IL1RAPL1: variants seen among roughly 807,000 people sequenced by gnomAD.
IL1RAPL1 encodes interleukin-1 receptor accessory protein-like 1.
In IL1RAPL1, 3 loss-of-function variants were observed where a neutral mutation model predicts 48.4. The observed-to-expected ratio is 0.06, with a 90% CI of 0.03 to 0.16. IL1RAPL1 has a LOEUF of 0.16. Among genes scored for constraint, IL1RAPL1 ranks in the 10% least tolerant of loss-of-function variants. The pLI is 1.00. For synonymous variants in IL1RAPL1, 185 were observed against 187.7 expected (o/e 0.99, Z 0.12); for missense variants, 349 against 530.6 (o/e 0.66, Z 3.36).
intron 5 of IL1RAPL1, among the ~76,000 whole-genome samples, chrX:29,662,161 T>C (rs769127886): frequency 8.9e-6 from 1 of 112,031 alleles, no homozygotes; most frequent in African/African-American, 3.2e-5. Flanking sequence ...TCATTGTCAC[T>C]CTTTTTTTAC....
At chrX:28,589,905 G>T (rs1933889629) in intron 1 of IL1RAPL1, among the ~76,000 whole-genome samples, 1 of 111,469 alleles carries the variant, frequency 9.0e-6, no homozygotes, top group Non-Finnish European at 1.9e-5. Flanking sequence ...AAATTAAATG[G>T]CACTGGATTC....
intron 2 of IL1RAPL1, among the ~76,000 whole-genome samples, chrX:29,106,951 C>T (rs1429014364): frequency 1.8e-5 from 2 of 111,415 alleles, no homozygotes; most frequent in African/African-American, 3.3e-5. Context: ...AAATGGGCCC[C>T]ATAAAATAGG....
At chrX:28,959,353 T>A (rs959642182) in intron 2 of IL1RAPL1, among the ~76,000 whole-genome samples, 2 of 111,460 alleles carry the variant, frequency 1.8e-5, no homozygotes, top group African/African-American at 6.5e-5. Flanking sequence ...ATTTTTAAAA[T>A]CAATTATAAA....
chrX:29,385,457 A>C (rs930686391), intron 3 of IL1RAPL1, among the ~76,000 whole-genome samples: 2 of 109,333 alleles, frequency 1.8e-5, no homozygotes, highest in Admixed American at 9.6e-5. Flanking sequence ...CCGTCTCAAT[A>C]AAAAAAAAAG....
intron 6 of IL1RAPL1, among the ~76,000 whole-genome samples, chrX:29,838,566 C>T (rs1931066099): frequency 8.9e-6 from 1 of 111,856 alleles, no homozygotes; most frequent in Non-Finnish European, 1.9e-5. Context: ...TTGTGCACAT[C>T]TTTTTAGCTA....
chrX:29,303,099 C>T (rs187309999), intron 3 of IL1RAPL1, among the ~76,000 whole-genome samples: 2 of 111,667 alleles, frequency 1.8e-5, no homozygotes, highest in East Asian at 5.7e-4. Flanking sequence ...TTCATGAAGA[C>T]CAAGGTTGGT....
intron 2 of IL1RAPL1, among the ~76,000 whole-genome samples, chrX:28,901,613 A>G (rs748810963): frequency 8.9e-6 from 1 of 111,945 alleles, no homozygotes; most frequent in Admixed American, 9.5e-5. Flanking sequence ...TGAAATGCTG[A>G]TGGCTGAAAT....
chrX:28,681,082 G>T (rs1251768044), intron 1 of IL1RAPL1, among the ~76,000 whole-genome samples: 1 of 111,433 alleles, frequency 9.0e-6, no homozygotes, highest in African/African-American at 3.3e-5. Flanking sequence ...ATTACTGATT[G>T]AATCTCCTTA....
intron 5 of IL1RAPL1, among the ~76,000 whole-genome samples, chrX:29,427,878 A>G (rs1934368745): frequency 9.0e-6 from 1 of 111,663 alleles, no homozygotes; most frequent in African/African-American, 3.3e-5. Context: ...GTGGCCTTTC[A>G]TTAGCTTTAC....
rs772007783 is a variant in IL1RAPL1, at chrX:28,999,560, C to G, written c.82+210135C>G. The stretch of plus-strand genomic sequence containing the variant: ...CTTTTCAAAATCTTTTTTATTCTGA[C>G]CCCACCTCCAAAGATTGTATATGCT... On this transcript the variant is annotated intron_variant, in intron 2 of 10. Coordinates refer to ENST00000378993, the MANE Select transcript of IL1RAPL1 (RefSeq NM_014271.4). Among the ~76,000 whole-genome samples the G allele has an allele frequency of 5.4e-5, 6 of 111,633 alleles. No homozygotes were observed. In the East Asian group the frequency reaches 1.7e-3, roughly 32 times the overall value.
At chrX:29,595,903 AT>A (rs1173007930) in intron 5 of IL1RAPL1, among the ~76,000 whole-genome samples, 1 of 111,315 alleles carries the variant, frequency 9.0e-6, no homozygotes, top group Non-Finnish European at 1.9e-5. Flanking sequence ...TCATGAGTTG[AT>A]TTTTGTATAA....
chrX:29,444,755 C>T (rs1934592598), intron 5 of IL1RAPL1, among the ~76,000 whole-genome samples: 2 of 111,736 alleles, frequency 1.8e-5, no homozygotes, highest in Admixed American at 1.9e-4. Context: ...AGTCACGAAA[C>T]AGGTTGAGGA....
intron 9 of IL1RAPL1, among the ~76,000 whole-genome samples, chrX:29,943,122 C>G (rs761643714): frequency 1.7e-4 from 19 of 111,773 alleles, no homozygotes; most frequent in African/African-American, 6.2e-4. Flanking sequence ...GTTTACCCTT[C>G]TCTCCTTCCC....
intron 5 of IL1RAPL1, among the ~76,000 whole-genome samples, chrX:29,608,828 A>AAAAAT (rs778623891): frequency 5.4e-5 from 6 of 110,751 alleles, no homozygotes; most frequent in Non-Finnish European, 9.4e-5. Flanking sequence ...TCCGTCTCAA[A>AAAAAT]AAAATAAAAT....
chrX:29,823,247 T>C (rs1930659596), intron 6 of IL1RAPL1, among the ~76,000 whole-genome samples: 1 of 111,514 alleles, frequency 9.0e-6, no homozygotes, highest in Non-Finnish European at 1.9e-5. Context: ...CACTATGAGA[T>C]GAATTTAATT....
chrX:29,790,324 AAAGCCT>A (rs1167221516), intron 6 of IL1RAPL1, among the ~76,000 whole-genome samples: 2 of 111,650 alleles, frequency 1.8e-5, no homozygotes, highest in Non-Finnish European at 3.8e-5. Context: ...CCCCTTATTT[AAAGCCT>A]AAGTCTCAAA....
chrX:28,714,986 A>T (rs1434742658), intron 1 of IL1RAPL1, among the ~76,000 whole-genome samples: 1 of 112,249 alleles, frequency 8.9e-6, no homozygotes, highest in Non-Finnish European at 1.9e-5. Context: ...TAGACAGATC[A>T]TCGAGACAGA....
intron 3 of IL1RAPL1, among the ~76,000 whole-genome samples, chrX:29,357,906 G>A (rs1458882087): frequency 8.9e-6 from 1 of 112,059 alleles, no homozygotes; most frequent in African/African-American, 3.2e-5. Context: ...GTGAAGAAAT[G>A]TGACTGAACA....
intron 2 of IL1RAPL1, among the ~76,000 whole-genome samples, chrX:28,989,454 A>G (rs770375871): frequency 8.9e-6 from 1 of 112,845 alleles, no homozygotes; most frequent in African/African-American, 3.2e-5. Flanking sequence ...AACATGCTGA[A>G]GAATATCATA....
Sources: gnomAD v4.1 joint callset for allele counts (sites outside exome capture counted in the v4.1 genomes callset) on GRCh38, gnomAD v4.1.1 for gene constraint, MANE v1.5 for transcripts, NCBI Gene and HGNC (gene_info 2026-07-23, HGNC 2026-07-21) for gene names.